Variants in CLNS1A observed in about 807,000 individuals in gnomAD.
The protein encoded by CLNS1A is methylosome subunit pICln.
CLNS1A carries 16 observed loss-of-function variants against 29.4 expected under a neutral mutation model. The observed-to-expected ratio is 0.54, with a 90% CI of 0.37 to 0.83. CLNS1A has a LOEUF of 0.83. Ranked by LOEUF, CLNS1A falls within the 40% of genes least tolerant of loss-of-function variation. The pLI is 0.00. For missense variants in CLNS1A, 235 were observed against 287.4 expected, an observed-to-expected ratio of 0.82 and a Z score of 1.32; for synonymous variants, 96 against 104.8, an observed-to-expected ratio of 0.92 and a Z score of 0.51.
chr11:77,624,022 G>A lies in CLNS1A; in HGVS notation c.472+941C>T, dbSNP rs189173005. On this transcript the variant is annotated intron_variant, in intron 4 of 6. Transcript: ENST00000525428. ...CTCATGCCTGTAACCCAGCATTCTGGGAGGCCAAGGCCAGAGGATTGCTTG... is the reference window on the plus strand; with the variant it reads ...CTCATGCCTGTAACCCAGCATTCTGAGAGGCCAAGGCCAGAGGATTGCTTG... 5.6e-3 allele frequency among the ~76,000 whole-genome samples: 848 copies of A among 152,344 alleles called. 14 individuals are homozygous for A. Among genetic ancestry groups the A allele is most frequent in the African/African-American group, 0.019 (800 of 41,576 alleles).
chr11:77,635,543 G>A (rs1224561482), intron 1 of CLNS1A, among the ~76,000 whole-genome samples: 1 of 151,706 alleles, frequency 6.6e-6, no homozygotes, highest in Non-Finnish European at 1.5e-5. Context: ...TAGAGACAGG[G>A]TTTCACATTG....
intron 3 of CLNS1A, 188 bp downstream of exon 3, chr11:77,625,529 C>T (rs1959007754): frequency 3.6e-6 from 2 of 553,016 alleles, no homozygotes. Flanking sequence ...TCACTACATT[C>T]ACAACCTTTG....
At position 77,619,573 on chromosome 11, in the gene CLNS1A, G is replaced by C. The variant is rs947446492; in HGVS notation, c.*22+33C>G. ...AGTAATCATTTCATATGATTTTCAT[G>C]ATCAGCGACAAGGGAGAAAATGAAC... On this transcript the variant is annotated intron_variant, in intron 6 of 6. Transcript: ENST00000525428. 4.7e-6 allele frequency: 6 copies of C among 1,275,480 alleles called. No individual in the cohort carries two copies. In the African/African-American group the frequency reaches 8.8e-5, roughly 19 times the overall value. The allele number at this position is 1,275,480 out of a possible 1,614,324, so 79.0% of individuals were successfully genotyped here.
chr11:77,626,785 G>T (rs1314059580), intron 2 of CLNS1A, among the ~76,000 whole-genome samples: 7 of 150,150 alleles, frequency 4.7e-5, no homozygotes, highest in African/African-American at 1.7e-4. Context: ...TCTGCCTCTT[G>T]GGTTCACCCC....
chr11:77,629,393 T>C (rs575949025), intron 2 of CLNS1A, among the ~76,000 whole-genome samples: 24 of 152,018 alleles, frequency 1.6e-4, no homozygotes. Flanking sequence ...AAAGACTCTT[T>C]TTTTTCTTTT....
intron 2 of CLNS1A, among the ~76,000 whole-genome samples, chr11:77,626,886 G>A (rs1959025480): frequency 1.3e-5 from 2 of 150,428 alleles, no homozygotes; most frequent in Non-Finnish European, 3.0e-5. Context: ...TAGTAAAGAC[G>A]GGGTTTCACC....
intron 1 of CLNS1A, among the ~76,000 whole-genome samples, chr11:77,637,243 TAAA>T (rs747109219): frequency 7.0e-5 from 3 of 43,154 alleles, no homozygotes; most frequent in African/African-American, 1.4e-4. Flanking sequence ...ATAGGCGAGT[TAAA>T]AAAAAAAAAA....
intron 1 of CLNS1A, among the ~76,000 whole-genome samples, chr11:77,634,597 G>A (rs1283336629): frequency 5.3e-5 from 8 of 151,628 alleles, no homozygotes; most frequent in African/African-American, 1.7e-4. Flanking sequence ...GGTGGAGCAC[G>A]TCTGTAGTCC....
At chr11:77,637,338 G>GAAA (rs57598480) in intron 1 of CLNS1A, among the ~76,000 whole-genome samples, 1 of 107,386 alleles carries the variant, frequency 9.3e-6, no homozygotes, top group Non-Finnish European at 1.9e-5. Flanking sequence ...AGGAAAAAAA[G>GAAA]AAAAAAAAAA....
chr11:77,622,127 C>A, intron 5 of CLNS1A: 1 of 456,116 alleles, frequency 2.2e-6, no homozygotes. Context: ...CAATAAAATT[C>A]TATTGTTTGA....
chr11:77,625,313 G>A (rs1959005344), intron 3 of CLNS1A: 1 of 511,970 alleles, frequency 2.0e-6, no homozygotes. Flanking sequence ...TCAGAGTCCT[G>A]GTAAGACTGC....
chr11:77,637,728 G>T lies in CLNS1A; in HGVS notation c.-14C>A, dbSNP rs1224641309. On this transcript the variant is annotated 5_prime_UTR_variant, in exon 1 of 7. Coordinates refer to ENST00000525428, the MANE Select transcript of CLNS1A (RefSeq NM_001293.3). ...GAGGAAGCTCATAGCAGCAGAGTGC[G>T]GCAACACAGGCCCTGAGGGAGTTGG... is the stretch of plus-strand genomic sequence containing the variant. 1 of 1,552,442 alleles carries T rather than the reference G, an allele frequency of 6.4e-7. No individual in the cohort carries two copies. The highest frequency in any genetic ancestry group is 1.2e-5 in the South Asian group (1 of 83,950).
At chr11:77,618,915 T>C (rs1248712911) in intron 6 of CLNS1A, among the ~76,000 whole-genome samples, 1 of 152,226 alleles carries the variant, frequency 6.6e-6, no homozygotes, top group Non-Finnish European at 1.5e-5. Context: ...GCTATTACTA[T>C]ATGCTTTAGT....
chr11:77,616,896 G>A (rs1237931478), intron 6 of CLNS1A, among the ~76,000 whole-genome samples: 2 of 152,184 alleles, frequency 1.3e-5, no homozygotes, highest in African/African-American at 4.8e-5. Context: ...CTTGTCCAAA[G>A]GTGTACACAA....
intron 1 of CLNS1A, among the ~76,000 whole-genome samples, chr11:77,632,772 GTT>G (rs1247445827): frequency 6.6e-6 from 1 of 152,020 alleles, no homozygotes; most frequent in Non-Finnish European, 1.5e-5. Context: ...CCAACAGCAT[GTT>G]ACTATGTTAA....
chr11:77,637,577 C>A lies in CLNS1A; in HGVS notation c.125+13G>T. On this transcript the variant is annotated intron_variant, in intron 1 of 6. Coordinates refer to ENST00000525428, the MANE Select transcript of CLNS1A (RefSeq NM_001293.3). ...GCGCGCAGGAGGCCAGCGCTGGGGA[C>A]CAGGAACCCTACCTCTCAGCGATGT... The A allele has an allele frequency of 6.3e-7, 1 of 1,597,638 alleles. No individual in the cohort carries two copies. The highest frequency in any genetic ancestry group is 8.5e-7 in the Non-Finnish European group (1 of 1,172,690).
In CLNS1A at chr11:77,625,029, G is replaced by A; in HGVS notation, c.406C>T (p.His136Tyr). 1 of 1,613,854 alleles carries A rather than the reference G, an allele frequency of 6.2e-7. No homozygotes were observed. Among genetic ancestry groups the A allele is most frequent in the Non-Finnish European group, 8.5e-7 (1 of 1,179,828 alleles). Residue 136 changes from histidine (H) to tyrosine (Y), a missense_variant, in exon 4 of 7, where the codon CAT (histidine) becomes TAT (tyrosine). Transcript: ENST00000525428. ...GAATCCTCATCCTCAGGATCTGGAT[G>A]CAAGGCCTGGCATTCGCACATTGCA... is the stretch of plus-strand genomic sequence containing the variant. ...FTAMCECQALHPDPEDEDSDD... is the reference protein window; with the variant it reads ...FTAMCECQALYPDPEDEDSDD...
intron 2 of CLNS1A, among the ~76,000 whole-genome samples, 179 bp downstream of exon 2, chr11:77,629,584 C>T (rs919861865): frequency 2.0e-5 from 3 of 151,988 alleles, no homozygotes; most frequent in Non-Finnish European, 4.4e-5. Flanking sequence ...TTAGTAGAGA[C>T]GGGTTTTCAC....
At chr11:77,621,441 G>A (rs778784026) in intron 5 of CLNS1A, among the ~76,000 whole-genome samples, 1 of 152,068 alleles carries the variant, frequency 6.6e-6, no homozygotes, top group Admixed American at 6.6e-5. Flanking sequence ...TTCTTTGCCT[G>A]TGCATACTTT....
Sources: gnomAD v4.1 joint callset for allele counts (sites outside exome capture counted in the v4.1 genomes callset) on GRCh38, gnomAD v4.1.1 for gene constraint, MANE v1.5 for transcripts, NCBI Gene and HGNC (gene_info 2026-07-23, HGNC 2026-07-21) for gene names.